CELF2: variants seen among roughly 807,000 people sequenced by gnomAD.
The protein encoded by CELF2 is CUG triplet repeat RNA-binding protein 2.
A neutral mutation model predicts 62.6 loss-of-function variants in CELF2; 8 were observed. That is an observed-to-expected ratio of 0.13 (90% CI 0.07 to 0.23). The LOEUF is 0.23. CELF2 is among the 10% of genes least tolerant of loss of function. The pLI is 1.00. For synonymous variants in CELF2, 258 were observed against 250.0 expected (o/e 1.03, Z -0.30); for missense variants, 333 against 671.0 (o/e 0.50, Z 5.56).
intron 1 of CELF2, among the ~76,000 whole-genome samples, chr10:11,070,245 CAG>C (rs1280687177): frequency 6.6e-6 from 1 of 152,076 alleles, no homozygotes; most frequent in Non-Finnish European, 1.5e-5. Flanking sequence ...GCAAAGGACT[CAG>C]GGTAGGAGAC....
At chr10:10,653,135 G>A in the CELF2 span, among the ~76,000 whole-genome samples, 1 of 152,066 alleles carries the variant, frequency 6.6e-6, no homozygotes, top group Admixed American at 6.5e-5. Context: ...ACTACATAAT[G>A]GTAAAGGGAT....
chr10:10,485,046 T>C, the CELF2 span, among the ~76,000 whole-genome samples: 1 of 152,180 alleles, frequency 6.6e-6, no homozygotes, highest in Non-Finnish European at 1.5e-5. Context: ...AGGGATGCTC[T>C]GACATTTCAC....
intron 8 of CELF2, 148 bp from the exon 9 acceptor site, chr10:11,288,270 A>C: frequency 1.2e-6 from 1 of 859,550 alleles, no homozygotes; most frequent in Non-Finnish European, 1.8e-6. Context: ...AGAGGGCTGG[A>C]GAGCCCAGCT....
chr10:11,230,473 T>C (rs887531485), intron 3 of CELF2, among the ~76,000 whole-genome samples: 1 of 152,112 alleles, frequency 6.6e-6, no homozygotes, highest in Non-Finnish European at 1.5e-5. Context: ...AAGTGCTGGG[T>C]TGCTGTGTTC....
the CELF2 span, among the ~76,000 whole-genome samples, chr10:10,557,960 T>A: frequency 7.2e-6 from 1 of 139,586 alleles, no homozygotes; most frequent in Non-Finnish European, 1.5e-5. Context: ...TTTCTAGATA[T>A]ACAATCATGT....
At chr10:11,003,473 C>T (rs576231617), upstream of CELF2, among the ~76,000 whole-genome samples, 4 of 152,170 alleles carry the variant, frequency 2.6e-5, no homozygotes, top group African/African-American at 9.6e-5. This position sits in a 1 kb window ranked among gnomAD's most constrained non-coding sequence, Gnocchi z 4.4. Context: ...ATGGACAAAA[C>T]CGGTGGCTGG....
chr10:10,683,149 A>G, the CELF2 span, among the ~76,000 whole-genome samples: 1 of 152,256 alleles, frequency 6.6e-6, no homozygotes, highest in Non-Finnish European at 1.5e-5. Context: ...TTCAATATCC[A>G]GGGGCAAAGA....
Position 11,280,436 on chromosome 10 carries a change from A to G in CELF2, c.841+5316A>G, listed in dbSNP as rs1206903281. ...TTCCCCAAAACCGTTTCTCCCCCGC[A>G]TAGGAGGGGAAGGCAGGCAGGTGCG... On this transcript the variant is annotated intron_variant, in intron 8 of 12. Coordinates refer to ENST00000633077, the MANE Select transcript of CELF2 (RefSeq NM_001326342.2). This position sits in a 1 kb window ranked among gnomAD's most constrained non-coding sequence, Gnocchi z 7.6. 1.3e-5 allele frequency among the ~76,000 whole-genome samples: 2 copies of G among 152,126 alleles called. No individual in the cohort carries two copies. Among genetic ancestry groups the G allele is most frequent in the African/African-American group, 2.4e-5 (1 of 41,440 alleles).
the CELF2 span, among the ~76,000 whole-genome samples, chr10:10,465,636 A>C: frequency 1.3e-5 from 2 of 152,184 alleles, no homozygotes; most frequent in African/African-American, 4.8e-5. Flanking sequence ...CTCATTTCTC[A>C]TCACCCACTG....
chr10:10,789,565 A>G, the CELF2 span, among the ~76,000 whole-genome samples: 9 of 151,782 alleles, frequency 5.9e-5, no homozygotes, highest in Non-Finnish European at 1.2e-4. Flanking sequence ...CTGGACAGCA[A>G]TTGAAACACT....
the CELF2 span, among the ~76,000 whole-genome samples, chr10:10,733,698 G>C: frequency 1.3e-5 from 2 of 152,136 alleles, no homozygotes; most frequent in African/African-American, 4.8e-5. Context: ...AGTGAAAGGA[G>C]TTTCCCCTTA....
At chr10:10,485,474 G>A in the CELF2 span, among the ~76,000 whole-genome samples, 2 of 152,212 alleles carry the variant, frequency 1.3e-5, no homozygotes, top group Admixed American at 1.3e-4. Context: ...GGTTACAAGT[G>A]TGAACAATCA....
chr10:10,657,973 A>G, the CELF2 span, among the ~76,000 whole-genome samples: 1 of 152,218 alleles, frequency 6.6e-6, no homozygotes, highest in Non-Finnish European at 1.5e-5. Flanking sequence ...GAGTTGTAAA[A>G]TGAAAGAAAA....
the CELF2 span, among the ~76,000 whole-genome samples, chr10:10,779,573 C>A: frequency 6.6e-6 from 1 of 152,154 alleles, no homozygotes; most frequent in African/African-American, 2.4e-5. Context: ...AGCTATTGAG[C>A]ATTAGCCCTA....
At chr10:11,043,655 C>G (rs747897859) in intron 1 of CELF2, among the ~76,000 whole-genome samples, 1 of 152,162 alleles carries the variant, frequency 6.6e-6, no homozygotes, top group Non-Finnish European at 1.5e-5. Flanking sequence ...AGAGGCTTTG[C>G]TTCTCCCACA....
chr10:11,107,755 A>C (rs1258996513), intron 1 of CELF2, among the ~76,000 whole-genome samples: 5 of 148,784 alleles, frequency 3.4e-5, no homozygotes, highest in African/African-American at 1.2e-4. Flanking sequence ...CCTTTCTCTC[A>C]TTCCCCCTTT....
chr10:10,700,051 T>C, the CELF2 span, among the ~76,000 whole-genome samples: 4 of 152,174 alleles, frequency 2.6e-5, no homozygotes, highest in Non-Finnish European at 5.9e-5. Flanking sequence ...TATCTGGAAT[T>C]CCCAGACAAA....
chr10:10,617,176 A>C, the CELF2 span, among the ~76,000 whole-genome samples: 1 of 152,182 alleles, frequency 6.6e-6, no homozygotes, highest in African/African-American at 2.4e-5. Context: ...TTGTAACAGA[A>C]TGGAATGACA....
At chr10:10,684,155 A>G in the CELF2 span, among the ~76,000 whole-genome samples, 1 of 152,328 alleles carries the variant, frequency 6.6e-6, no homozygotes, top group Admixed American at 6.5e-5. Flanking sequence ...GACTGTGGCT[A>G]TTTCAGTAGG....
Sources: allele counts gnomAD v4.1 joint callset (sites outside exome capture counted in the v4.1 genomes callset), GRCh38; gene constraint gnomAD v4.1.1; non-coding constraint Gnocchi (gnomAD v3.1); transcripts MANE v1.5; gene names NCBI Gene and HGNC (gene_info 2026-07-23, HGNC 2026-07-21).